Variants in CERT1 observed in about 807,000 individuals in gnomAD.
The protein encoded by CERT1 is ceramide transporter 1.
Under a neutral mutation model 87.9 loss-of-function variants are expected in CERT1, and 31 were observed. The ratio of observed to expected loss-of-function variants is 0.35; its 90% CI spans 0.27 to 0.48. The LOEUF is 0.48. Ranked by LOEUF, CERT1 falls within the 20% of genes least tolerant of loss-of-function variation. The pLI, the probability that CERT1 is intolerant of heterozygous loss-of-function variation, is 0.99. For synonymous variants in CERT1, 289 were observed against 250.9 expected (o/e 1.15, Z -1.44); for missense variants, 487 against 758.0 (o/e 0.64, Z 4.20).
intron 2 of CERT1, among the ~76,000 whole-genome samples, chr5:75,479,445 T>TCTC (rs1341509307): frequency 1.3e-5 from 2 of 152,142 alleles, no homozygotes; most frequent in Non-Finnish European, 2.9e-5. Flanking sequence ...CTCTTCTTCT[T>TCTC]CTCACCCTCT....
chr5:75,381,916 T>C, intron 15 of CERT1, 33 bp downstream of exon 15: 1 of 1,584,534 alleles, frequency 6.3e-7, no homozygotes, highest in Admixed American at 1.7e-5. Flanking sequence ...CTTTATATTG[T>C]TTAATTATAC....
intron 4 of CERT1, among the ~76,000 whole-genome samples, chr5:75,425,921 G>A (rs540793719): frequency 6.6e-6 from 1 of 152,310 alleles, no homozygotes; most frequent in East Asian, 1.9e-4. Context: ...ACCCTTGGGA[G>A]AGTACTATTT....
At chr5:75,425,184 T>C (rs1031999115) in intron 5 of CERT1, 177 bp downstream of exon 5, 15 of 556,570 alleles carry the variant, frequency 2.7e-5, no homozygotes, top group African/African-American at 1.9e-4. Context: ...CAAAATGAAT[T>C]AGTATGTGTA....
At chr5:75,467,555 C>T (rs139551537) in intron 2 of CERT1, among the ~76,000 whole-genome samples, 20 of 150,274 alleles carry the variant, frequency 1.3e-4, no homozygotes, top group Middle Eastern at 6.9e-3. Flanking sequence ...TCCAGAGGAT[C>T]GCTTGAACCA....
intron 3 of CERT1, among the ~76,000 whole-genome samples, chr5:75,448,676 T>C (rs1764650276): frequency 1.3e-5 from 2 of 152,176 alleles, no homozygotes; most frequent in South Asian, 2.1e-4. Context: ...TACTTTTCCA[T>C]ATTAAATATA....
intron 2 of CERT1, among the ~76,000 whole-genome samples, chr5:75,488,537 T>C (rs1168860770): frequency 6.6e-6 from 1 of 152,144 alleles, no homozygotes; most frequent in Non-Finnish European, 1.5e-5. Context: ...AATTTTAAGT[T>C]TTAATTTTTA....
chr5:75,402,294 TTGG>T (rs1762527480), intron 9 of CERT1: 1 of 152,200 alleles, frequency 6.6e-6, no homozygotes, highest in East Asian at 1.9e-4. Context: ...CATATCATAC[TTGG>T]TGAAGAAAAA....
At chr5:75,429,320 G>A (rs1034526533) in intron 3 of CERT1, among the ~76,000 whole-genome samples, 1 of 151,942 alleles carries the variant, frequency 6.6e-6, no homozygotes, top group Non-Finnish European at 1.5e-5. Flanking sequence ...TCCTGCCTCA[G>A]CCTCCCTGGT....
At chr5:75,396,742 A>AC (rs1043657212) in intron 11 of CERT1, among the ~76,000 whole-genome samples, 6 of 151,784 alleles carry the variant, frequency 4.0e-5, no homozygotes, top group South Asian at 2.1e-4. Flanking sequence ...AAAAAAAAAA[A>AC]AAACAAAAAA....
intron 2 of CERT1, among the ~76,000 whole-genome samples, chr5:75,493,275 C>T (rs1766885567): frequency 6.6e-6 from 1 of 152,146 alleles, no homozygotes; most frequent in African/African-American, 2.4e-5. Flanking sequence ...AATTCATACC[C>T]TTCCAAAGGC....
intron 3 of CERT1, among the ~76,000 whole-genome samples, chr5:75,434,205 T>A (rs576917679): frequency 1.1e-4 from 16 of 150,726 alleles, no homozygotes; most frequent in South Asian, 4.2e-4. Flanking sequence ...TTTTTTTTTT[T>A]ATCATGAAGG....
intron 2 of CERT1, among the ~76,000 whole-genome samples, chr5:75,503,873 T>A (rs114359001): frequency 0.11 from 4,098 of 36,984 alleles, 161 homozygotes; most frequent in African/African-American, 0.15. Context: ...TTTAAATTTT[T>A]TGTTTAATTT....
chr5:75,448,098 A>T (rs1355150160), intron 3 of CERT1, among the ~76,000 whole-genome samples: 3 of 152,216 alleles, frequency 2.0e-5, no homozygotes, highest in African/African-American at 7.2e-5. Context: ...CTGTTCTTGA[A>T]AAAATAATGT....
chr5:75,419,220 C>T, intron 6 of CERT1, 121 bp downstream of exon 6: 2 of 576,296 alleles, frequency 3.5e-6, no homozygotes, highest in South Asian at 2.8e-5. Flanking sequence ...GATATTTTCA[C>T]TTGGATTCCA....
At chr5:75,478,808 T>C (rs767590358) in intron 2 of CERT1, among the ~76,000 whole-genome samples, 1 of 143,232 alleles carries the variant, frequency 7.0e-6, no homozygotes, top group African/African-American at 2.6e-5. Context: ...TATTTCTCCA[T>C]CCAAAGCAAG....
intron 2 of CERT1, among the ~76,000 whole-genome samples, chr5:75,498,249 AAAG>A (rs955080821): frequency 2.6e-5 from 4 of 152,222 alleles, no homozygotes; most frequent in African/African-American, 9.7e-5. Context: ...ATGTGACAGA[AAAG>A]AAGAACGTAT....
intron 8 of CERT1, among the ~76,000 whole-genome samples, chr5:75,403,406 G>A (rs1157931865): frequency 1.3e-5 from 2 of 152,102 alleles, no homozygotes; most frequent in African/African-American, 4.8e-5. Context: ...TTAAATGGCT[G>A]GAAAAAATAA....
In CERT1 at chr5:75,459,239, C is replaced by T. The variant is rs1765127434; in HGVS notation, c.232-58G>A. 1.2e-5 allele frequency: 12 copies of T among 987,406 alleles called. No homozygotes were observed. In the South Asian group the frequency reaches 1.5e-4, roughly 12 times the overall value. The allele number at this position is 987,406 out of a possible 1,614,324, so 61.2% of individuals were successfully genotyped here. ...GCTAATTATATCCTTAGAAGTGTTA[C>T]ACCCCAAAGCCAAAACATGAACATA... On this transcript the variant is annotated intron_variant, in intron 2 of 16. Coordinates refer to ENST00000643780, the MANE Select transcript of CERT1 (RefSeq NM_001379029.1).
Position 75,511,092 on chromosome 5 carries a change from T to G in CERT1, c.96+20A>C. The G allele has an allele frequency of 7.2e-6, 11 of 1,528,316 alleles. No homozygotes were observed. Among genetic ancestry groups the G allele is most frequent in the Non-Finnish European group, 9.7e-6 (11 of 1,138,280 alleles). The allele number at this position is 1,528,316 out of a possible 1,614,324, so 94.7% of individuals were successfully genotyped here. A position where few individuals can be genotyped will look rare whatever the true frequency, so the allele number is the denominator to read the frequency against. On this transcript the variant is annotated intron_variant, in intron 1 of 16. Coordinates refer to ENST00000643780, the MANE Select transcript of CERT1 (RefSeq NM_001379029.1). ...CAGGTGAGTCTGGCCAGGGGTCCCT[T>G]GGCACCAGGGGTTGCTCACCTTACT...
Sources: gnomAD v4.1 joint callset for allele counts (sites outside exome capture counted in the v4.1 genomes callset) on GRCh38, gnomAD v4.1.1 for gene constraint, MANE v1.5 for transcripts, NCBI Gene and HGNC (gene_info 2026-07-23, HGNC 2026-07-21) for gene names.